Variants in ERBIN observed in about 807,000 individuals in gnomAD.
The protein encoded by ERBIN is erbb2 interacting protein, also known as densin-180-like protein.
A neutral mutation model predicts 158.4 loss-of-function variants in ERBIN; 60 were observed. That is an observed-to-expected ratio of 0.38 (90% CI 0.31 to 0.47). ERBIN has a LOEUF of 0.47. Ranked by LOEUF, ERBIN falls within the 20% of genes least tolerant of loss-of-function variation. The pLI is 0.99. For synonymous variants in ERBIN, 594 were observed against 557.2 expected (o/e 1.07, Z -0.93); for missense variants, 1,610 against 1,648.0 (o/e 0.98, Z 0.40).
intron 15 of ERBIN, among the ~76,000 whole-genome samples, chr5:66,039,048 A>C (rs1757685842): frequency 1.4e-5 from 2 of 145,752 alleles, no homozygotes. Context: ...GTGTGTGTTT[A>C]TTGTGTTACA....
In ERBIN at chr5:66,043,079, A is replaced by G. The variant is rs2151202349; in HGVS notation, c.1309A>G (p.Met437Val). 6 of 1,589,746 alleles carry G rather than the reference A, an allele frequency of 3.8e-6. No individual in the cohort carries two copies. The highest frequency in any genetic ancestry group is 5.2e-6 in the Non-Finnish European group (6 of 1,163,906). ...FPQQPRTEDV[M>V]FISDNESFNP... ...TTTTGTTTTTTACTTTTCTCTAGTT[A>G]TGTTTATATCAGATAATGAAAGTTT... The change falls in exon 16 of 26, where the codon ATG becomes GTG. Residue 437 changes from methionine to valine, a missense_variant and splice_region_variant. By Grantham distance (21) the Met-to-Val change is conservative. This residue lies in a region of ERBIN where 596 missense variants were observed against 711.9 expected (regional missense o/e 0.84). Transcript: ENST00000284037.
At chr5:65,935,599 TG>T (rs1234136404) in intron 1 of ERBIN, among the ~76,000 whole-genome samples, 1 of 152,244 alleles carries the variant, frequency 6.6e-6, no homozygotes, top group East Asian at 1.9e-4. Context: ...TAGTAATTCT[TG>T]AGGCGACTGT....
chr5:66,072,401 C>T, intron 22 of ERBIN, 110 bp downstream of exon 22: 6 of 1,097,842 alleles, frequency 5.5e-6, no homozygotes, highest in Non-Finnish European at 7.4e-6. Context: ...TGAGGGCTTT[C>T]CCCCCTTTAT....
chr5:66,026,300 A>G lies in ERBIN; in HGVS notation c.1021-2A>G. ...GATACTCAGTTTATATTTCTCTTTCAGATTGGAAGCTGGAAAAATATAACT... is the reference window on the plus strand; with the variant it reads ...GATACTCAGTTTATATTTCTCTTTCGGATTGGAAGCTGGAAAAATATAACT... On this transcript the variant is annotated splice_acceptor_variant, in intron 12 of 25. Coordinates refer to ENST00000284037, the MANE Select transcript of ERBIN (RefSeq NM_001253697.2). LOFTEE classifies it high-confidence loss of function. 6.4e-7 allele frequency: 1 copy of G among 1,567,818 alleles called. No individual in the cohort carries two copies. The highest frequency in any genetic ancestry group is 8.6e-7 in the Non-Finnish European group (1 of 1,160,830).
chr5:65,946,778 T>A (rs936999927), intron 1 of ERBIN, among the ~76,000 whole-genome samples: 2 of 151,340 alleles, frequency 1.3e-5, no homozygotes, highest in Non-Finnish European at 2.9e-5. Flanking sequence ...AGCCAGCAAT[T>A]GGTTGTTACT....
At chr5:65,971,664 T>C (rs1749256335) in intron 1 of ERBIN, among the ~76,000 whole-genome samples, 1 of 152,208 alleles carries the variant, frequency 6.6e-6, no homozygotes, top group South Asian at 2.1e-4. Flanking sequence ...TATATTTTAT[T>C]TTTCTCTCTT....
At chr5:66,015,552 A>G (rs1372858564) in intron 7 of ERBIN, among the ~76,000 whole-genome samples, 1 of 152,172 alleles carries the variant, frequency 6.6e-6, no homozygotes, top group Non-Finnish European at 1.5e-5. Context: ...TTTTAGGTGT[A>G]CAGGACCTAA....
Position 65,994,773 on chromosome 5 carries a change from C to G in ERBIN, c.216C>G (p.His72Gln), listed in dbSNP as rs1223795318. The part of the protein sequence containing the change: ...PKQLFNCQSL[H>Q]KLSLPDNDLT... ...AACTTTTTAACTGTCAGTCTTTACACAAACTGAGTTTGCCAGACAATGATT... is the reference window on the plus strand; with the variant it reads ...AACTTTTTAACTGTCAGTCTTTACAGAAACTGAGTTTGCCAGACAATGATT... Residue 72 changes from histidine to glutamine, a missense_variant, in exon 4 of 26, where the codon CAC (histidine) becomes CAG (glutamine). Physicochemically the swap from His to Gln is conservative, Grantham distance 24. Transcript: ENST00000284037. 1.9e-6 allele frequency: 3 copies of G among 1,606,754 alleles called. No homozygotes were observed. Among genetic ancestry groups the G allele is most frequent in the Non-Finnish European group, 2.5e-6 (3 of 1,177,418 alleles).
Position 66,065,271 on chromosome 5 carries a change from C to G in ERBIN, c.3634-6898C>G, listed in dbSNP as rs1760858622. 1.3e-5 allele frequency among the ~76,000 whole-genome samples: 2 copies of G among 152,200 alleles called. 1 individual carries two copies. The highest frequency in any genetic ancestry group is 4.1e-4 in the South Asian group (2 of 4,824). On this transcript the variant is annotated intron_variant, in intron 21 of 25. Transcript: ENST00000284037. ...GTGTTTTTAAGAGACTGAAAAGATA[C>G]ATTGTTTTAAGTAATGTTAAATTGC...
intron 1 of ERBIN, among the ~76,000 whole-genome samples, chr5:65,987,395 C>CACACACACACACACAT (rs1554053523): frequency 2.0e-5 from 3 of 151,166 alleles, no homozygotes; most frequent in Admixed American, 1.3e-4. Context: ...CACACACACA[C>CACACACACACACACAT]GAAAAAAGAA....
chr5:65,935,912 G>A (rs1026668804), intron 1 of ERBIN, among the ~76,000 whole-genome samples: 1 of 152,114 alleles, frequency 6.6e-6, no homozygotes, highest in Non-Finnish European at 1.5e-5. Context: ...TTTTATAGAG[G>A]TAGAGGTCTT....
intron 15 of ERBIN, among the ~76,000 whole-genome samples, chr5:66,041,356 T>G (rs1757901266): frequency 6.6e-6 from 1 of 151,946 alleles, no homozygotes; most frequent in Non-Finnish European, 1.5e-5. Flanking sequence ...CATCAAGGAA[T>G]TATAAAGTTG....
At chr5:66,016,867 G>C (rs920585603) in intron 7 of ERBIN, among the ~76,000 whole-genome samples, 1 of 151,884 alleles carries the variant, frequency 6.6e-6, no homozygotes, top group Non-Finnish European at 1.5e-5. Flanking sequence ...CGCCCTCCTC[G>C]GCTTCCCAGA....
chr5:66,031,819 A>G (rs999003164), intron 14 of ERBIN, among the ~76,000 whole-genome samples: 9 of 152,170 alleles, frequency 5.9e-5, no homozygotes, highest in African/African-American at 2.2e-4. Context: ...GCAACAGAGC[A>G]AGATTCTATC....
intron 4 of ERBIN, among the ~76,000 whole-genome samples, chr5:65,997,924 G>T (rs558947141): frequency 6.1e-5 from 9 of 148,370 alleles, no homozygotes. Context: ...CCAGGTGTCT[G>T]TCTACACACA....
At chr5:65,963,779 TTTTC>T (rs1748201889) in intron 1 of ERBIN, among the ~76,000 whole-genome samples, 1 of 134,104 alleles carries the variant, frequency 7.5e-6, no homozygotes, top group Admixed American at 8.2e-5. Flanking sequence ...GGTATGACTA[TTTTC>T]TTTCTTTTCT....
chr5:66,050,964 C>A lies in ERBIN; in HGVS notation c.2085C>A (p.Ile695=). ...KQTHIDINSK[I]RQEDENFNSL... ...CTCATATTGATATTAATTCCAAAAT[C>A]AGGTGTGTGAACCTCTTTTACAGTT... The change falls in exon 20 of 26, where the codon ATC becomes ATA. Residue 695 remains isoleucine (I), a splice_region_variant and synonymous_variant. Transcript: ENST00000284037. 1 of 1,598,282 alleles carries A rather than the reference C, an allele frequency of 6.3e-7. No individual in the cohort carries two copies. Among genetic ancestry groups the A allele is most frequent in the South Asian group, 1.1e-5 (1 of 86,986 alleles).
intron 1 of ERBIN, among the ~76,000 whole-genome samples, chr5:65,977,727 G>C (rs1750146857): frequency 1.3e-5 from 2 of 151,778 alleles, no homozygotes; most frequent in African/African-American, 4.9e-5. Context: ...CGGCCAGGCG[G>C]AGACGCTCCT....
chr5:66,077,977 T>G (rs1762171808), intron 25 of ERBIN, among the ~76,000 whole-genome samples: 1 of 152,186 alleles, frequency 6.6e-6, no homozygotes, highest in Non-Finnish European at 1.5e-5. Flanking sequence ...AGGATCTAAT[T>G]CATATTACAC....
Sources: allele counts gnomAD v4.1 joint callset (sites outside exome capture counted in the v4.1 genomes callset), GRCh38; gene constraint gnomAD v4.1.1; regional missense constraint gnomAD v4.1.1; transcripts MANE v1.5; gene names NCBI Gene and HGNC (gene_info 2026-07-23, HGNC 2026-07-21).